The following PHKB variants were observed in gnomAD, a reference collection of about 807,000 sequenced individuals.
PHKB encodes the protein phosphorylase kinase regulatory subunit beta, also known as phosphorylase b kinase regulatory subunit beta.
In PHKB, 122 loss-of-function variants were observed where a neutral mutation model predicts 152.1. The ratio of observed to expected loss-of-function variants is 0.80; its 90% CI spans 0.69 to 0.93. PHKB has a LOEUF of 0.93. PHKB is among the 40% of genes least tolerant of loss of function. The probability of loss-of-function intolerance (pLI) is 0.00; values close to 1 mark genes in which losing one functional copy is unlikely to be tolerated. For missense variants in PHKB, 1,304 were observed against 1,328.4 expected, an observed-to-expected ratio of 0.98 and a Z score of 0.29; for synonymous variants, 436 against 464.9, an observed-to-expected ratio of 0.94 and a Z score of 0.80.
intron 1 of PHKB, chr16:47,462,757 GTAAAT>G (rs1286845220): frequency 2.1e-5 from 3 of 141,400 alleles, no homozygotes; most frequent in Non-Finnish European, 4.6e-5. Flanking sequence ...TTTGGAGAAA[GTAAAT>G]CTAATTTCTG....
At chr16:47,551,676 A>G (rs1047127441) in intron 7 of PHKB, among the ~76,000 whole-genome samples, 1 of 152,220 alleles carries the variant, frequency 6.6e-6, no homozygotes. Context: ...GGTGCTGAGA[A>G]GAATGTATAT....
chr16:47,479,631 C>T (rs1422111744), intron 1 of PHKB, among the ~76,000 whole-genome samples: 1 of 152,188 alleles, frequency 6.6e-6, no homozygotes, highest in Non-Finnish European at 1.5e-5. Context: ...GAGCAGAAGT[C>T]TATCTACAGC....
At chr16:47,472,633 G>A (rs1206357011) in intron 1 of PHKB, among the ~76,000 whole-genome samples, 2 of 151,986 alleles carry the variant, frequency 1.3e-5, no homozygotes, top group African/African-American at 4.8e-5. Context: ...ATACAAAAAA[G>A]TTAGCGAGGC....
chr16:47,630,524 C>T (rs777082955), intron 14 of PHKB, among the ~76,000 whole-genome samples: 6 of 151,646 alleles, frequency 4.0e-5, no homozygotes, highest in Non-Finnish European at 5.9e-5. Flanking sequence ...GGTTTGTAAA[C>T]AATGCTTGGA....
chr16:47,526,613 CTT>C (rs1267222091), intron 6 of PHKB, among the ~76,000 whole-genome samples: 1 of 151,242 alleles, frequency 6.6e-6, no homozygotes, highest in East Asian at 1.9e-4. Context: ...GATTCCATCT[CTT>C]AAACAAAAAA....
intron 1 of PHKB, among the ~76,000 whole-genome samples, chr16:47,472,377 T>G (rs1969784931): frequency 6.6e-6 from 1 of 152,176 alleles, no homozygotes; most frequent in African/African-American, 2.4e-5. Context: ...AACTGCCCAT[T>G]GCGGTGGCTC....
chr16:47,508,084 C>T (rs938282922), intron 4 of PHKB, among the ~76,000 whole-genome samples: 1 of 152,164 alleles, frequency 6.6e-6, no homozygotes, highest in African/African-American at 2.4e-5. Context: ...CTATTGATTT[C>T]TCATCATAAA....
intron 7 of PHKB, among the ~76,000 whole-genome samples, chr16:47,579,565 T>G (rs1971807518): frequency 6.6e-6 from 1 of 152,136 alleles, no homozygotes; most frequent in Admixed American, 6.5e-5. Flanking sequence ...AAATAAAAAT[T>G]TGTAATAATT....
At position 47,485,273 on chromosome 16, in the gene PHKB, A is replaced by G. The variant is rs149515253; in HGVS notation, c.77-12126A>G. ...GGTGGAACTGTGCAGAAAATAAATC[A>G]TGGTTTAAGTTTTGTTTCTTTTGTT... is the stretch of plus-strand genomic sequence containing the variant. On this transcript the variant is annotated intron_variant, in intron 1 of 30. Transcript: ENST00000323584. 1.6e-3 allele frequency among the ~76,000 whole-genome samples: 239 copies of G among 152,328 alleles called. 2 individuals are homozygous for G. The highest frequency in any genetic ancestry group is 5.2e-3 in the African/African-American group (215 of 41,588).
intron 20 of PHKB, 137 bp from the exon 21 acceptor site, chr16:47,660,369 A>C: frequency 2.8e-6 from 2 of 701,766 alleles, no homozygotes; most frequent in Non-Finnish European, 5.1e-6. Context: ...TGTTCATTTA[A>C]GAATTGCTTC....
At chr16:47,552,545 T>G (rs1971290848) in intron 7 of PHKB, among the ~76,000 whole-genome samples, 1 of 152,154 alleles carries the variant, frequency 6.6e-6, no homozygotes, top group African/African-American at 2.4e-5. Flanking sequence ...CCGTGGTGGC[T>G]CACACCTGTA....
chr16:47,546,140 G>A (rs1971159845), intron 6 of PHKB, among the ~76,000 whole-genome samples: 1 of 152,202 alleles, frequency 6.6e-6, no homozygotes, highest in Non-Finnish European at 1.5e-5. Context: ...CGTTGCTGGT[G>A]AGGAGCTACG....
chr16:47,696,621 G>T, intron 29 of PHKB, 133 bp downstream of exon 29: 2 of 705,034 alleles, frequency 2.8e-6, no homozygotes, highest in Non-Finnish European at 5.2e-6. Flanking sequence ...GTGAGACCCA[G>T]AACCCTATTC....
chr16:47,588,892 T>A lies in PHKB; in HGVS notation c.871-13T>A. 6.2e-7 allele frequency: 1 copy of A among 1,610,830 alleles called. No individual in the cohort carries two copies. The highest frequency in any genetic ancestry group is 8.5e-7 in the Non-Finnish European group (1 of 1,177,200). ...TGTGGACACTCACAGTCTCTCTTTCTCATTGCCTCCAGAATACAGATGCTG... is the reference window on the plus strand; with the variant it reads ...TGTGGACACTCACAGTCTCTCTTTCACATTGCCTCCAGAATACAGATGCTG... On this transcript the variant is annotated splice_polypyrimidine_tract_variant and intron_variant, in intron 9 of 30. Transcript: ENST00000323584.
Position 47,641,643 on chromosome 16 carries a change from C to T in PHKB, c.1559C>T (p.Pro520Leu). The change falls in exon 16 of 31, where the codon CCT becomes CTT. Residue 520 changes from proline (P) to leucine (L), a missense_variant. Coordinates refer to ENST00000323584, the MANE Select transcript of PHKB (RefSeq NM_000293.3). ...ACATATGGTATTCAAACTCAAACTC[C>T]TCAACAAGTAGAACCCATTCAGATA... is the stretch of plus-strand genomic sequence containing the variant. ...LNTYGIQTQT[P>L]QQVEPIQIWP... The T allele has an allele frequency of 6.2e-7, 1 of 1,607,998 alleles. No homozygotes were observed.
At chr16:47,671,609 T>C (rs1973639448) in intron 26 of PHKB, among the ~76,000 whole-genome samples, 1 of 152,216 alleles carries the variant, frequency 6.6e-6, no homozygotes, top group South Asian at 2.1e-4. Flanking sequence ...TATTACCCAT[T>C]TTTTCCTTCA....
At chr16:47,510,829 T>G (rs1383588166) in intron 4 of PHKB, among the ~76,000 whole-genome samples, 2 of 152,214 alleles carry the variant, frequency 1.3e-5, no homozygotes, top group Non-Finnish European at 2.9e-5. Flanking sequence ...CTTATTTCTC[T>G]TATTTCTCTT....
intron 6 of PHKB, among the ~76,000 whole-genome samples, chr16:47,537,079 G>C (rs555918379): frequency 6.6e-6 from 1 of 152,330 alleles, no homozygotes; most frequent in African/African-American, 2.4e-5. Flanking sequence ...TGTCAAATAT[G>C]AGAATTGTAA....
chr16:47,693,340 T>C, intron 27 of PHKB, 38 bp from the exon 28 acceptor site: 1 of 1,612,656 alleles, frequency 6.2e-7, no homozygotes, highest in Non-Finnish European at 8.5e-7. Context: ...CAGAACAAGC[T>C]TGTTCTTCAA....
Sources: gnomAD v4.1 joint callset for allele counts (sites outside exome capture counted in the v4.1 genomes callset) on GRCh38, gnomAD v4.1.1 for gene constraint, MANE v1.5 for transcripts, NCBI Gene and HGNC (gene_info 2026-07-23, HGNC 2026-07-21) for gene names.